Variants in FGGY observed in about 807,000 individuals in gnomAD.
FGGY encodes the protein FGGY carbohydrate kinase domain-containing protein.
FGGY carries 72 observed loss-of-function variants against 71.3 expected under a neutral mutation model. That is an observed-to-expected ratio of 1.01 (90% CI 0.84 to 1.23). The LOEUF (loss-of-function observed/expected upper bound fraction) is 1.23, where lower values mean the gene tolerates loss of function less well. FGGY is among the 50% of genes most tolerant of loss of function. FGGY has a pLI of 0.00. For synonymous variants in FGGY, 251 were observed against 250.3 expected, an observed-to-expected ratio of 1.00 and a Z score of -0.02; for missense variants, 668 against 682.3, an observed-to-expected ratio of 0.98 and a Z score of 0.23.
chr1:59,355,594 G>A (rs79739081), intron 4 of FGGY, among the ~76,000 whole-genome samples: 3 of 151,502 alleles, frequency 2.0e-5, no homozygotes, highest in East Asian at 3.9e-4. Flanking sequence ...AAAGCAACAT[G>A]CTAGGGACTT....
chr1:59,388,351 A>G (rs943750411), intron 5 of FGGY, among the ~76,000 whole-genome samples: 1 of 152,172 alleles, frequency 6.6e-6, no homozygotes, highest in African/African-American at 2.4e-5. Context: ...GGCTTAATCT[A>G]TTCCAGTCTC....
chr1:59,579,547 C>T (rs2096149005), intron 8 of FGGY, among the ~76,000 whole-genome samples: 1 of 152,176 alleles, frequency 6.6e-6, no homozygotes, highest in Non-Finnish European at 1.5e-5. Flanking sequence ...CAATTCTATT[C>T]ATACACTTGC....
At chr1:59,311,433 T>C (rs112036660) in intron 1 of FGGY, among the ~76,000 whole-genome samples, 2,256 of 151,572 alleles carry the variant, frequency 0.015, 67 homozygotes, top group African/African-American at 0.051. Flanking sequence ...TGTTGTTCCC[T>C]TCCCTGTGTC....
chr1:59,694,394 T>C (rs1353531594), intron 14 of FGGY, among the ~76,000 whole-genome samples: 1 of 152,058 alleles, frequency 6.6e-6, no homozygotes, highest in Non-Finnish European at 1.5e-5. Flanking sequence ...CAAAATACTT[T>C]TGGTCAGTTC....
chr1:59,371,173 A>G (rs1170552719), intron 4 of FGGY, among the ~76,000 whole-genome samples: 8 of 152,334 alleles, frequency 5.3e-5, no homozygotes. Flanking sequence ...TCTCACATGC[A>G]GAGACACACA....
In FGGY at chr1:59,505,606, C is replaced by G. The variant is rs76473067; in HGVS notation, c.671-6705C>G. On this transcript the variant is annotated intron_variant, in intron 6 of 15. Transcript: ENST00000303721. ...TTCTGACATTTCCATGGGCCTGGAA[C>G]CAACTCTCCTCCTGGGTTTCATCTC... 7.5e-3 allele frequency among the ~76,000 whole-genome samples: 1,136 copies of G among 152,300 alleles called. 16 individuals carry two copies. Among genetic ancestry groups the G allele is most frequent in the African/African-American group, 0.026 (1,098 of 41,566 alleles).
At chr1:59,390,427 C>T (rs973869244) in intron 5 of FGGY, among the ~76,000 whole-genome samples, 6 of 152,068 alleles carry the variant, frequency 3.9e-5, no homozygotes, top group Non-Finnish European at 8.8e-5. Flanking sequence ...CCTCATGGTC[C>T]AAGATGGCGG....
intron 10 of FGGY, chr1:59,626,467 G>A (rs556926897): frequency 6.4e-6 from 1 of 156,352 alleles, no homozygotes; most frequent in East Asian, 1.9e-4. Context: ...ATATTTTGAA[G>A]CAAGCTGAGT....
chr1:59,353,102 G>T (rs2053612780), intron 4 of FGGY, among the ~76,000 whole-genome samples: 2 of 152,162 alleles, frequency 1.3e-5, no homozygotes, highest in Non-Finnish European at 1.5e-5. Context: ...AAATTTTTCT[G>T]TACCACTTAC....
chr1:59,337,136 C>T (rs981090804), intron 2 of FGGY, among the ~76,000 whole-genome samples: 3 of 149,564 alleles, frequency 2.0e-5, no homozygotes, highest in Non-Finnish European at 4.4e-5. Flanking sequence ...ATAGGTCATC[C>T]GTAAGCTAGG....
chr1:59,408,552 C>T (rs17119431), intron 5 of FGGY, among the ~76,000 whole-genome samples: 29,469 of 152,064 alleles, frequency 0.19, 3,058 homozygotes, highest in East Asian at 0.36. Flanking sequence ...CATATGTGTG[C>T]ACGCATGTAT....
At chr1:59,531,694 C>T (rs2095148772) in intron 7 of FGGY, among the ~76,000 whole-genome samples, 1 of 152,166 alleles carries the variant, frequency 6.6e-6, no homozygotes, top group Non-Finnish European at 1.5e-5. Flanking sequence ...CCAGTTTGGG[C>T]AGTCTGCAGG....
chr1:59,495,042 A>G (rs1570127191), intron 6 of FGGY, among the ~76,000 whole-genome samples: 4 of 152,276 alleles, frequency 2.6e-5, no homozygotes, highest in African/African-American at 2.4e-5. Flanking sequence ...AATGATAGCC[A>G]TTCTGACTGA....
intron 8 of FGGY, among the ~76,000 whole-genome samples, chr1:59,590,043 A>C (rs1284488761): frequency 1.3e-5 from 2 of 152,112 alleles, no homozygotes; most frequent in Non-Finnish European, 2.9e-5. Flanking sequence ...ATCGCTAGCA[A>C]GACTAATAAA....
chr1:59,321,441 G>C lies in FGGY; in HGVS notation c.-14-95G>C, dbSNP rs1160499451. ...ATAACAAATGGCTACCGGTTAGGTA[G>C]CGGTACCTCTTTTATTTCTACTTTT... is the stretch of plus-strand genomic sequence containing the variant. On this transcript the variant is annotated intron_variant, in intron 1 of 15. Coordinates refer to ENST00000303721, the MANE Select transcript of FGGY (RefSeq NM_018291.5). 2.7e-6 allele frequency: 3 copies of C among 1,115,188 alleles called. No homozygotes were observed. In the East Asian group the frequency reaches 7.7e-5, roughly 29 times the overall value. The allele number at this position is 1,115,188 out of a possible 1,614,324, so 69.1% of individuals were successfully genotyped here.
chr1:59,489,669 C>A (rs1271526320), intron 6 of FGGY, among the ~76,000 whole-genome samples: 1 of 152,120 alleles, frequency 6.6e-6, no homozygotes, highest in Non-Finnish European at 1.5e-5. Flanking sequence ...AACAGTGCTG[C>A]AGTAAATGGG....
At chr1:59,734,548 C>T (rs1332124230) in intron 14 of FGGY, among the ~76,000 whole-genome samples, 3 of 152,206 alleles carry the variant, frequency 2.0e-5, no homozygotes, top group African/African-American at 7.2e-5. Flanking sequence ...CATGCTTCCC[C>T]CTCCTTCAGC....
At chr1:59,307,852 A>G (rs569635238) in intron 1 of FGGY, among the ~76,000 whole-genome samples, 47 of 152,316 alleles carry the variant, frequency 3.1e-4, no homozygotes, top group Admixed American at 3.1e-3. Flanking sequence ...TTCTCCCTTA[A>G]AAAGCAGATT....
intron 8 of FGGY, among the ~76,000 whole-genome samples, chr1:59,586,240 G>A (rs2096284103): frequency 6.6e-6 from 1 of 152,164 alleles, no homozygotes; most frequent in Non-Finnish European, 1.5e-5. Flanking sequence ...ATTCACAATA[G>A]CAAAGACTTG....
Sources: allele counts gnomAD v4.1 joint callset (sites outside exome capture counted in the v4.1 genomes callset), GRCh38; gene constraint gnomAD v4.1.1; transcripts MANE v1.5; gene names NCBI Gene and HGNC (gene_info 2026-07-23, HGNC 2026-07-21).